Variants in ITGA9 observed in about 807,000 individuals in gnomAD.
ITGA9 encodes integrin subunit alpha 9, also known as integrin alpha-9.
Under a neutral mutation model 127.8 loss-of-function variants are expected in ITGA9, and 56 were observed. That is an observed-to-expected ratio of 0.44 (90% CI 0.35 to 0.55). The LOEUF (loss-of-function observed/expected upper bound fraction) is 0.55, where lower values mean the gene tolerates loss of function less well. Among genes scored for constraint, ITGA9 ranks in the 20% least tolerant of loss-of-function variants. The pLI, the probability that ITGA9 is intolerant of heterozygous loss-of-function variation, is 0.00. For synonymous variants in ITGA9, 508 were observed against 514.5 expected, an observed-to-expected ratio of 0.99 and a Z score of 0.17; for missense variants, 1,196 against 1,347.1, an observed-to-expected ratio of 0.89 and a Z score of 1.76.
intron 1 of ITGA9, among the ~76,000 whole-genome samples, chr3:37,461,212 G>T (rs910801289): frequency 6.6e-6 from 1 of 152,136 alleles, no homozygotes; most frequent in Non-Finnish European, 1.5e-5. Flanking sequence ...CCAGATCCAC[G>T]ATTTTTGTGC....
At chr3:37,735,593 T>C (rs1346494279) in intron 19 of ITGA9, among the ~76,000 whole-genome samples, 3 of 152,202 alleles carry the variant, frequency 2.0e-5, no homozygotes, top group Non-Finnish European at 2.9e-5. Context: ...CCAACCTCCT[T>C]TTTTTATTGA....
At chr3:37,484,549 A>C (rs969225520) in intron 4 of ITGA9, among the ~76,000 whole-genome samples, 12 of 152,196 alleles carry the variant, frequency 7.9e-5, no homozygotes, top group Admixed American at 7.2e-4. Context: ...GACAATGGGA[A>C]GATTTTAGAG....
At chr3:37,541,404 G>T (rs961109090) in intron 14 of ITGA9, among the ~76,000 whole-genome samples, 4 of 152,210 alleles carry the variant, frequency 2.6e-5, no homozygotes, top group Non-Finnish European at 4.4e-5. Flanking sequence ...GCACAGAAAA[G>T]CAGTAAAATA....
At chr3:37,702,029 G>T (rs930053098) in intron 18 of ITGA9, among the ~76,000 whole-genome samples, 1 of 152,154 alleles carries the variant, frequency 6.6e-6, no homozygotes, top group Non-Finnish European at 1.5e-5. Context: ...TCAGGGCCCA[G>T]GGTGGGTTGG....
chr3:37,722,744 G>T (rs775450152), intron 18 of ITGA9, among the ~76,000 whole-genome samples: 1 of 152,134 alleles, frequency 6.6e-6, no homozygotes, highest in Non-Finnish European at 1.5e-5. Flanking sequence ...ATTGTTTCCA[G>T]TTTTTGGCTA....
At chr3:37,622,516 T>C (rs1700137906) in intron 15 of ITGA9, among the ~76,000 whole-genome samples, 1 of 152,180 alleles carries the variant, frequency 6.6e-6, no homozygotes, top group Non-Finnish European at 1.5e-5. Context: ...GGGAGCTTTT[T>C]ATAGATTTTA....
At chr3:37,487,836 TA>T (rs996168147) in intron 4 of ITGA9, among the ~76,000 whole-genome samples, 23 of 152,256 alleles carry the variant, frequency 1.5e-4, no homozygotes, top group African/African-American at 3.9e-4. Context: ...AAAAAAGTCA[TA>T]TTTTTTTTCA....
chr3:37,513,350 G>T (rs1022347006), intron 8 of ITGA9, among the ~76,000 whole-genome samples: 4 of 152,298 alleles, frequency 2.6e-5, no homozygotes, highest in Admixed American at 1.3e-4. Flanking sequence ...GCTGCTGGAA[G>T]TTGGGTATTT....
chr3:37,787,108 AG>A (rs1033403586), intron 26 of ITGA9, among the ~76,000 whole-genome samples: 15 of 152,340 alleles, frequency 9.8e-5, no homozygotes, highest in Middle Eastern at 6.8e-3. Flanking sequence ...CCACCTGGGA[AG>A]TGAAAAAGAA....
At chr3:37,734,090 C>CAGTGGCCA (rs140282379) in intron 19 of ITGA9, among the ~76,000 whole-genome samples, 9 of 152,246 alleles carry the variant, frequency 5.9e-5, no homozygotes, top group Non-Finnish European at 1.3e-4. Flanking sequence ...GGCGAAACCA[C>CAGTGGCCA]AGTGGCCAAG....
intron 16 of ITGA9, among the ~76,000 whole-genome samples, chr3:37,648,031 G>T (rs1700395617): frequency 1.3e-5 from 2 of 152,154 alleles, no homozygotes; most frequent in Admixed American, 1.3e-4. Context: ...TTCTCTTTGA[G>T]TATATACCCA....
chr3:37,521,865 T>C (rs936840707), intron 11 of ITGA9, among the ~76,000 whole-genome samples: 2 of 152,216 alleles, frequency 1.3e-5, no homozygotes, highest in Non-Finnish European at 2.9e-5. Context: ...TGCCTGTTAG[T>C]GTGAAACATT....
chr3:37,773,355 T>G (rs1696867195), intron 23 of ITGA9, among the ~76,000 whole-genome samples: 1 of 152,196 alleles, frequency 6.6e-6, no homozygotes, highest in East Asian at 1.9e-4. Context: ...AGAAAACAGT[T>G]TCCAGCGGTC....
At chr3:37,641,438 G>A (rs929812672) in intron 16 of ITGA9, among the ~76,000 whole-genome samples, 6 of 152,126 alleles carry the variant, frequency 3.9e-5, no homozygotes, top group African/African-American at 9.7e-5. Context: ...TGGCCCTCAC[G>A]TGTCAGGCCC....
At chr3:37,663,403 T>C (rs1700556324) in intron 17 of ITGA9, among the ~76,000 whole-genome samples, 1 of 152,178 alleles carries the variant, frequency 6.6e-6, no homozygotes, top group Non-Finnish European at 1.5e-5. Flanking sequence ...CACAGCAGGA[T>C]ATCTGTAAAG....
At chr3:37,663,074 A>G (rs563217396) in intron 17 of ITGA9, among the ~76,000 whole-genome samples, 90 of 152,356 alleles carry the variant, frequency 5.9e-4, no homozygotes, top group African/African-American at 1.8e-3. Flanking sequence ...TTAGAAGTTC[A>G]TGATCTTTAA....
intron 15 of ITGA9, among the ~76,000 whole-genome samples, chr3:37,618,033 G>A (rs544333472): frequency 2.6e-4 from 39 of 152,308 alleles, no homozygotes; most frequent in Admixed American, 7.8e-4. Flanking sequence ...AGGAGGAGAG[G>A]CACTCTCATT....
intron 17 of ITGA9, among the ~76,000 whole-genome samples, chr3:37,657,608 CT>C (rs926861438): frequency 5.2e-5 from 7 of 133,812 alleles, no homozygotes; most frequent in African/African-American, 1.9e-4. Context: ...CTAGTGGTCT[CT>C]TTTGTTGATC....
intron 15 of ITGA9, among the ~76,000 whole-genome samples, chr3:37,601,342 CTGG>C (rs1450209588): frequency 1.3e-5 from 2 of 152,180 alleles, no homozygotes; most frequent in Non-Finnish European, 2.9e-5. Context: ...CAGCAAGTCT[CTGG>C]AAAAGAGCTC....
Sources: gnomAD v4.1 joint callset for allele counts (sites outside exome capture counted in the v4.1 genomes callset) on GRCh38, gnomAD v4.1.1 for gene constraint, MANE v1.5 for transcripts, NCBI Gene and HGNC (gene_info 2026-07-23, HGNC 2026-07-21) for gene names.